The following CRYBG3 variants were observed in gnomAD, a reference collection of about 807,000 sequenced individuals.
CRYBG3 encodes the protein crystallin beta-gamma domain containing 3, also known as very large A-kinase anchor protein.
CRYBG3 carries 127 observed loss-of-function variants against 244.2 expected under a neutral mutation model. The ratio of observed to expected loss-of-function variants is 0.52; its 90% CI spans 0.45 to 0.60. The LOEUF (loss-of-function observed/expected upper bound fraction) is 0.60. Among genes scored for constraint, CRYBG3 ranks in the 20% least tolerant of loss-of-function variants. The pLI is 0.00. For missense variants in CRYBG3, 3,325 were observed against 3,442.5 expected, an observed-to-expected ratio of 0.97 and a Z score of 0.85; for synonymous variants, 1,132 against 1,195.8, an observed-to-expected ratio of 0.95 and a Z score of 1.10.
At chr3:97,823,448 C>A (rs1470209580) in intron 1 of CRYBG3, among the ~76,000 whole-genome samples, 1 of 152,184 alleles carries the variant, frequency 6.6e-6, no homozygotes, top group Non-Finnish European at 1.5e-5. Context: ...TCCTCGGTTT[C>A]CCCGCTTGTG....
At chr3:97,845,693 G>T (rs1274604098) in intron 2 of CRYBG3, among the ~76,000 whole-genome samples, 1 of 152,130 alleles carries the variant, frequency 6.6e-6, no homozygotes, top group Non-Finnish European at 1.5e-5. Flanking sequence ...ACTACAACAT[G>T]TGCAGTGGTA....
In CRYBG3 at chr3:97,876,244, A is replaced by T. The variant is rs138563048; in HGVS notation, c.5050A>T (p.Thr1684Ser). 3,508 of 1,232,016 alleles carry T rather than the reference A, an allele frequency of 2.8e-3. 5 individuals are homozygous for T. Among genetic ancestry groups the T allele is most frequent in the Non-Finnish European group, 3.1e-3 (3,071 of 987,916 alleles). The allele number at this position is 1,232,016 out of a possible 1,614,324, so 76.3% of individuals were successfully genotyped here. A position where few individuals can be genotyped will look rare whatever the true frequency, so the allele number is the denominator to read the frequency against. Residue 1684 changes from threonine (T) to serine (S), a missense_variant, in exon 4 of 22, where the codon ACG (threonine) becomes TCG (serine). Around this residue, in one of 4 missense-constraint regions of CRYBG3, gnomAD observed 635 missense variants for 771.7 expected, o/e 0.82. Transcript: ENST00000389622. ...HAEGDIGKTG[T>S]IALSEVENIH... ...TGAAGGGGATATTGGCAAGACTGGGACGATAGCCTTGTCAGAAGTGGAAAA... is the reference window on the plus strand; with the variant it reads ...TGAAGGGGATATTGGCAAGACTGGGTCGATAGCCTTGTCAGAAGTGGAAAA...
At position 97,880,071 on chromosome 3, in the gene CRYBG3, T is replaced by C. The variant is rs372619655; in HGVS notation, c.6975T>C (p.Asn2325=). The C allele has an allele frequency of 3.8e-6, 6 of 1,592,928 alleles. No individual in the cohort carries two copies. The African/African-American group carries it at 6.7e-5, about 18-fold the overall frequency. The change falls in exon 6 of 22, where the codon AAT becomes AAC. Residue 2325 remains asparagine (N), a synonymous_variant. Transcript: ENST00000389622. ...IPDATSWSFP[N]GVLIKVVRGC... ...ATGCTACATCATGGTCTTTTCCAAA[T>C]GGAGTTCTAATAAAAGTTGTAAGGG...
At chr3:97,847,932 T>G (rs2038926899) in intron 2 of CRYBG3, among the ~76,000 whole-genome samples, 1 of 152,174 alleles carries the variant, frequency 6.6e-6, no homozygotes, top group Admixed American at 6.5e-5. Flanking sequence ...AATAAGTAAA[T>G]CACTTATTAC....
chr3:97,873,034 G>T lies in CRYBG3; in HGVS notation c.1840G>T (p.Glu614Ter). The T allele has an allele frequency of 3.9e-6, 6 of 1,535,408 alleles. No individual in the cohort carries two copies. The highest frequency in any genetic ancestry group is 1.2e-5 in the South Asian group (1 of 83,838). The change falls in exon 4 of 22, where the codon GAA (glutamate) becomes TAA (stop). Residue 614 changes from glutamate to a stop codon, truncating the protein, a stop_gained. Coordinates refer to ENST00000389622, the MANE Select transcript of CRYBG3 (RefSeq NM_153605.4). LOFTEE classifies it high-confidence loss of function. ...TGAAAATGCACCTGAGTTGAAATTTGAACTTAATAGAAGTCACATTTCAGA... is the reference window on the plus strand; with the variant it reads ...TGAAAATGCACCTGAGTTGAAATTTTAACTTAATAGAAGTCACATTTCAGA... ...GNENAPELKF[E>*]LNRSHISETP... is the part of the protein sequence containing the mutation.
At position 97,877,696 on chromosome 3, in the gene CRYBG3, G is replaced by A. The variant is rs1489075704; in HGVS notation, c.6502G>A (p.Gly2168Arg). ...TAAAGGAGATCTGAGAGCTGGAAGT[G>A]GGGAGCGTGTTACCTTCCAGTTGCC... The part of the protein sequence containing the change: ...LHKGDLRAGS[G>R]ERVTFQLPDP... Residue 2168 changes from glycine to arginine, a missense_variant, in exon 4 of 22, where the codon GGG (glycine) becomes AGG (arginine). Gly to Arg is a moderately radical substitution (Grantham distance 125, BLOSUM62 -2). Coordinates refer to ENST00000389622, the MANE Select transcript of CRYBG3 (RefSeq NM_153605.4). The A allele has an allele frequency of 1.2e-6, 2 of 1,614,008 alleles. No homozygotes were observed.
chr3:97,902,365 CATT>C (rs1421891852), intron 15 of CRYBG3, among the ~76,000 whole-genome samples: 4 of 152,006 alleles, frequency 2.6e-5, no homozygotes, highest in African/African-American at 9.7e-5. Context: ...GACCTGGAAA[CATT>C]ATGATGAGAT....
chr3:97,822,861 C>T (rs780753014), intron 1 of CRYBG3, among the ~76,000 whole-genome samples: 2 of 152,240 alleles, frequency 1.3e-5, no homozygotes, highest in African/African-American at 2.4e-5. Flanking sequence ...GCGTCACCCC[C>T]TCAGCTGGTA....
At chr3:97,849,526 C>G (rs2108181490) in intron 2 of CRYBG3, among the ~76,000 whole-genome samples, 1 of 152,086 alleles carries the variant, frequency 6.6e-6, no homozygotes, top group Middle Eastern at 3.4e-3. Flanking sequence ...AATGGACTGT[C>G]AGGGCTTAAG....
chr3:97,911,201 C>T (rs561205131), intron 15 of CRYBG3, among the ~76,000 whole-genome samples: 5 of 152,296 alleles, frequency 3.3e-5, no homozygotes, highest in South Asian at 4.1e-4. Flanking sequence ...TGAACATTAG[C>T]TGCTCAGAAA....
chr3:97,862,089 A>AG (rs980862200), intron 2 of CRYBG3, among the ~76,000 whole-genome samples: 25 of 75,692 alleles, frequency 3.3e-4, no homozygotes, highest in Non-Finnish European at 7.2e-5. Context: ...AGGAGAAACA[A>AG]GTTTTTTTTT....
At chr3:97,924,258 C>A (rs555684506) in intron 17 of CRYBG3, 7 of 333,726 alleles carry the variant, frequency 2.1e-5, no homozygotes, top group South Asian at 1.6e-4. Context: ...CTACTTTACT[C>A]CAAACACAAA....
At chr3:97,918,368 A>G (rs987787330) in intron 17 of CRYBG3, among the ~76,000 whole-genome samples, 10 of 152,198 alleles carry the variant, frequency 6.6e-5, no homozygotes, top group African/African-American at 2.4e-4. Flanking sequence ...CAGTCATTTT[A>G]TAGTGAATGG....
At chr3:97,838,030 G>T (rs2038758876) in intron 1 of CRYBG3, among the ~76,000 whole-genome samples, 1 of 152,028 alleles carries the variant, frequency 6.6e-6, no homozygotes, top group Non-Finnish European at 1.5e-5. Flanking sequence ...TCTGTCCTGT[G>T]GCCATCCAAG....
Position 97,886,694 on chromosome 3 carries a change from A to G in CRYBG3, c.7216A>G (p.Ile2406Val). The change falls in exon 8 of 22, where the codon ATA becomes GTA. Residue 2406 changes from isoleucine to valine, a missense_variant. Physicochemically the swap from Ile to Val is conservative, Grantham distance 29. This residue lies in a region of CRYBG3 where 714 missense variants were observed against 803.6 expected (regional missense o/e 0.89). Transcript: ENST00000389622. ...QSDPACCPVYIQRAVPNLEEL... is the reference protein window; with the variant it reads ...QSDPACCPVYVQRAVPNLEEL... ...TGACCCAGCCTGTTGTCCTGTCTACATACAGAGAGCAGTCCCCAATTTGGA... is the reference window on the plus strand; with the variant it reads ...TGACCCAGCCTGTTGTCCTGTCTACGTACAGAGAGCAGTCCCCAATTTGGA... 6.2e-7 allele frequency: 1 copy of G among 1,612,990 alleles called. No individual in the cohort carries two copies.
intron 17 of CRYBG3, among the ~76,000 whole-genome samples, chr3:97,924,857 C>G (rs1052059942): frequency 6.6e-6 from 1 of 151,986 alleles, no homozygotes; most frequent in Non-Finnish European, 1.5e-5. Flanking sequence ...ACATATTCAC[C>G]ATATTCACAG....
chr3:97,901,698 C>G (rs558229452), intron 15 of CRYBG3, among the ~76,000 whole-genome samples: 91 of 152,246 alleles, frequency 6.0e-4, no homozygotes, highest in Non-Finnish European at 1.5e-4. Flanking sequence ...TTTTTGAGTT[C>G]TAAGTACAGA....
chr3:97,874,346 A>G lies in CRYBG3; in HGVS notation c.3152A>G (p.His1051Arg). 1.3e-6 allele frequency: 2 copies of G among 1,526,430 alleles called. No individual in the cohort carries two copies. The highest frequency in any genetic ancestry group is 1.7e-6 in the Non-Finnish European group (2 of 1,144,312). 94.6% of individuals were successfully genotyped at this position (1,526,430 alleles called of 1,614,324 possible). A position where few individuals can be genotyped will look rare whatever the true frequency, so the allele number is the denominator to read the frequency against. ...SSSYRKKENI[H>R]FLNGGIDSVS... ...TCTTACAGAAAGAAAGAGAACATCC[A>G]TTTTTTAAATGGTGGTATTGATAGT... is the stretch of plus-strand genomic sequence containing the variant. The change falls in exon 4 of 22, where the codon CAT (histidine) becomes CGT (arginine). Residue 1051 changes from histidine to arginine, a missense_variant. His to Arg is a conservative substitution (Grantham distance 29). Transcript: ENST00000389622.
chr3:97,869,070 T>C (rs546133990), intron 3 of CRYBG3, among the ~76,000 whole-genome samples: 4 of 152,184 alleles, frequency 2.6e-5, no homozygotes, highest in Non-Finnish European at 4.4e-5. Flanking sequence ...GAAAGGCTTT[T>C]GTATTTTCTG....
Sources: gnomAD v4.1 joint callset for allele counts (sites outside exome capture counted in the v4.1 genomes callset) on GRCh38, gnomAD v4.1.1 for gene constraint, gnomAD v4.1.1 regional missense constraint, MANE v1.5 for transcripts, NCBI Gene and HGNC (gene_info 2026-07-23, HGNC 2026-07-21) for gene names.